Variants in FTO observed in about 807,000 individuals in gnomAD.
The protein encoded by FTO is FTO alpha-ketoglutarate dependent dioxygenase, also known as alpha-ketoglutarate-dependent dioxygenase FTO.
FTO carries 47 observed loss-of-function variants against 63.9 expected under a neutral mutation model. The observed-to-expected ratio is 0.74, with a 90% CI of 0.58 to 0.94. The LOEUF is 0.94. Among genes scored for constraint, FTO ranks in the 40% least tolerant of loss-of-function variants. The pLI is 0.00. For synonymous variants in FTO, 207 were observed against 224.4 expected (o/e 0.92, Z 0.69); for missense variants, 562 against 618.1 (o/e 0.91, Z 0.96).
chr16:53,880,306 A>C (rs1053446863), intron 6 of FTO, among the ~76,000 whole-genome samples: 17 of 152,166 alleles, frequency 1.1e-4, no homozygotes, highest in African/African-American at 4.1e-4. Context: ...AAGACTTTCA[A>C]GAATTGTGAA....
intron 8 of FTO, chr16:54,071,649 A>C (rs184476563): frequency 6.6e-6 from 1 of 152,168 alleles, no homozygotes; most frequent in Non-Finnish European, 1.5e-5. Flanking sequence ...AGAGTGGACA[A>C]ATTGGGTGCC....
intron 8 of FTO, among the ~76,000 whole-genome samples, chr16:54,079,695 G>A (rs7199185): frequency 0.14 from 21,060 of 152,056 alleles, 2,823 homozygotes; most frequent in African/African-American, 0.35. Flanking sequence ...GAAGCAGGCC[G>A]CACAGAGAGA....
rs1250468392 is a variant in FTO at position 53,861,726 on chromosome 16, G to A, written c.896-12060G>A. ...ACAATATTTGAAATTATTTAACTGC[G>A]TTTATGCTTACTGCTAGCCTTTTTG... On this transcript the variant is annotated intron_variant, in intron 4 of 8. Transcript: ENST00000471389. 1.3e-4 allele frequency among the ~76,000 whole-genome samples: 20 copies of A among 152,020 alleles called. 2 individuals carry two copies. In the South Asian group the frequency reaches 4.0e-3, roughly 30 times the overall value.
At chr16:53,841,867 AAC>A (rs1459321406) in intron 3 of FTO, among the ~76,000 whole-genome samples, 1 of 152,134 alleles carries the variant, frequency 6.6e-6, no homozygotes, top group Non-Finnish European at 1.5e-5. Context: ...TGCCAGTCTA[AAC>A]ACTGTTGTCT....
intron 1 of FTO, among the ~76,000 whole-genome samples, chr16:53,741,614 C>T (rs552359384): frequency 5.9e-5 from 9 of 152,214 alleles, no homozygotes; most frequent in Non-Finnish European, 1.3e-4. Flanking sequence ...AGGTAGTGGT[C>T]AAGCTGCCCA....
intron 2 of FTO, among the ~76,000 whole-genome samples, chr16:53,813,216 CT>C (rs72112859): frequency 0.085 from 12,231 of 144,640 alleles, 969 homozygotes; most frequent in African/African-American, 0.21. Context: ...TTTTTCTTTT[CT>C]TTTTTTTTTT....
chr16:53,933,442 G>GC (rs1452287651), intron 7 of FTO, among the ~76,000 whole-genome samples: 9 of 151,838 alleles, frequency 5.9e-5, no homozygotes, highest in African/African-American at 2.2e-4. Context: ...TTTTTTCTTT[G>GC]CAAGATCTTG....
intron 8 of FTO, chr16:54,069,765 C>G (rs1257928900): frequency 6.6e-6 from 1 of 151,992 alleles, no homozygotes; most frequent in Non-Finnish European, 1.5e-5. Context: ...AATCTCTGCC[C>G]CAAGGGAAGT....
chr16:53,826,442 A>G lies in FTO; in HGVS notation c.702A>G (p.Glu234=). 12 of 1,614,170 alleles carry G rather than the reference A, an allele frequency of 7.4e-6. No homozygotes were observed. Among genetic ancestry groups the G allele is most frequent in the Non-Finnish European group, 1.0e-5 (12 of 1,180,028 alleles). The part of the protein sequence containing the change: ...GKMAVSWHHD[E]NLVDRSAVAV... ...TGGCAGTGAGCTGGCATCATGATGA[A>G]AATCTGGTGGACAGGTCAGCGGTGG... is the stretch of plus-strand genomic sequence containing the variant. The change falls in exon 3 of 9, where the codon GAA becomes GAG. Residue 234 remains glutamate (E), a synonymous_variant. Transcript: ENST00000471389.
intron 1 of FTO, chr16:53,764,307 A>T (rs1048013208): frequency 1.3e-5 from 2 of 152,224 alleles, no homozygotes; most frequent in Admixed American, 1.3e-4. Flanking sequence ...TAGTGATGGG[A>T]GAGTGTGGCT....
intron 8 of FTO, among the ~76,000 whole-genome samples, chr16:54,035,833 T>C (rs2084931239): frequency 1.3e-5 from 2 of 152,198 alleles, no homozygotes; most frequent in Non-Finnish European, 2.9e-5. Context: ...CCTCTTGAAA[T>C]GAAACCTCAA....
intron 4 of FTO, among the ~76,000 whole-genome samples, chr16:53,851,830 G>C: frequency 6.6e-6 from 1 of 152,020 alleles, no homozygotes; most frequent in East Asian, 1.9e-4. Context: ...ATGGAAAGTT[G>C]AGGAAGATCT....
chr16:53,857,417 C>T (rs1335958472), intron 4 of FTO, among the ~76,000 whole-genome samples: 7 of 151,404 alleles, frequency 4.6e-5, no homozygotes, highest in Non-Finnish European at 1.0e-4. Flanking sequence ...TCACCTACTA[C>T]TACTAAGCTT....
At chr16:54,102,288 C>G (rs955979369) in intron 8 of FTO, among the ~76,000 whole-genome samples, 19 of 152,176 alleles carry the variant, frequency 1.2e-4, no homozygotes, top group African/African-American at 3.4e-4. Flanking sequence ...ATAACAAGAG[C>G]AGGGGAGCTC....
At chr16:53,936,761 G>C (rs1158818334) in intron 8 of FTO, among the ~76,000 whole-genome samples, 1 of 152,204 alleles carries the variant, frequency 6.6e-6, no homozygotes, top group Non-Finnish European at 1.5e-5. Flanking sequence ...TCCTCTGAAA[G>C]TTAAATACAC....
chr16:53,777,168 T>G (rs1327601054), intron 1 of FTO, among the ~76,000 whole-genome samples: 2 of 152,166 alleles, frequency 1.3e-5, no homozygotes, highest in Non-Finnish European at 2.9e-5. Context: ...TTAGGTCTCC[T>G]GTCAAACTGA....
chr16:53,976,784 TA>T (rs1221309889), intron 8 of FTO, among the ~76,000 whole-genome samples: 1 of 152,156 alleles, frequency 6.6e-6, no homozygotes, highest in Non-Finnish European at 1.5e-5. Flanking sequence ...CCTTTATTTC[TA>T]GATATTTGTG....
At chr16:53,961,000 G>C (rs2083066404) in intron 8 of FTO, among the ~76,000 whole-genome samples, 1 of 152,160 alleles carries the variant, frequency 6.6e-6, no homozygotes, top group African/African-American at 2.4e-5. Flanking sequence ...ACTGGATCTA[G>C]GACGGTGTCC....
At chr16:53,973,958 A>G (rs1349910728) in intron 8 of FTO, among the ~76,000 whole-genome samples, 1 of 152,204 alleles carries the variant, frequency 6.6e-6, no homozygotes, top group East Asian at 1.9e-4. Flanking sequence ...GCTCTAGCCA[A>G]TGGCTTCTCT....
Sources: gnomAD v4.1 joint callset for allele counts (sites outside exome capture counted in the v4.1 genomes callset) on GRCh38, gnomAD v4.1.1 for gene constraint, MANE v1.5 for transcripts, NCBI Gene and HGNC (gene_info 2026-07-23, HGNC 2026-07-21) for gene names.